STIM1: variants seen among roughly 807,000 people sequenced by gnomAD.
The protein encoded by STIM1 is stromal interaction molecule 1.
Under a neutral mutation model 74.7 loss-of-function variants are expected in STIM1, and 25 were observed. The ratio of observed to expected loss-of-function variants is 0.33; its 90% confidence interval spans 0.24 to 0.47. The LOEUF (loss-of-function observed/expected upper bound fraction) is 0.47. Ranked by LOEUF, STIM1 falls within the 20% of genes least tolerant of loss-of-function variation. The pLI, the probability that STIM1 is intolerant of heterozygous loss-of-function variation, is 1.00. For missense variants in STIM1, 728 were observed against 920.8 expected, an observed-to-expected ratio of 0.79 and a Z score of 2.71; for synonymous variants, 328 against 348.8, an observed-to-expected ratio of 0.94 and a Z score of 0.66.
At chr11:3,953,749 G>A (rs1482849806) in intron 1 of STIM1, among the ~76,000 whole-genome samples, 1 of 149,268 alleles carries the variant, frequency 6.7e-6, no homozygotes, top group African/African-American at 2.4e-5. Flanking sequence ...AGGAGTTTTT[G>A]CAAGATCGGT....
At chr11:4,020,971 A>G (rs1283732450) in intron 2 of STIM1, among the ~76,000 whole-genome samples, 6 of 151,730 alleles carry the variant, frequency 4.0e-5, no homozygotes, top group East Asian at 3.9e-4. Context: ...TTTTTTTTCT[A>G]TTGAGTTGTT....
Position 4,086,669 on chromosome 11 carries a change from C to A in STIM1, c.1634+126C>A, listed in dbSNP as rs576833622. ...GGGACCAGCTCTCCATCTGCCTCTG[C>A]TGCTGCTTCTTGCTCCTCTTCCATC... On this transcript the variant is annotated intron_variant, in intron 12 of 12. Transcript: ENST00000526596. 16 of 1,546,736 alleles carry A rather than the reference C, an allele frequency of 1.0e-5. No homozygotes were observed. In the African/African-American group the frequency reaches 1.4e-4, roughly 13 times the overall value.
At chr11:4,052,392 C>A (rs1268823255) in intron 3 of STIM1, among the ~76,000 whole-genome samples, 3 of 152,232 alleles carry the variant, frequency 2.0e-5, no homozygotes, top group Non-Finnish European at 4.4e-5. Flanking sequence ...AAACAGAGAT[C>A]TAGACCAATG....
intron 2 of STIM1, among the ~76,000 whole-genome samples, chr11:4,015,521 C>G (rs2093887615): frequency 6.6e-6 from 1 of 152,104 alleles, no homozygotes; most frequent in Admixed American, 6.5e-5. Flanking sequence ...AATTATGTGT[C>G]TTGGGGTTGC....
At chr11:3,982,698 A>C (rs1333312891) in intron 2 of STIM1, among the ~76,000 whole-genome samples, 3 of 152,232 alleles carry the variant, frequency 2.0e-5, no homozygotes. Flanking sequence ...ATGTTCTAAA[A>C]TTAGATTGTG....
intron 3 of STIM1, 84 bp downstream of exon 3, chr11:4,024,071 T>C (rs1394022779): frequency 8.9e-7 from 1 of 1,129,252 alleles, no homozygotes; most frequent in Non-Finnish European, 1.3e-6. Flanking sequence ...GAAGAACATG[T>C]ATATAAAATG....
intron 2 of STIM1, among the ~76,000 whole-genome samples, chr11:3,974,476 G>C (rs1235091832): frequency 7.4e-6 from 1 of 135,664 alleles, no homozygotes; most frequent in South Asian, 2.3e-4. Flanking sequence ...AGGAGTTCAA[G>C]ACCAGCCTGG....
intron 2 of STIM1, among the ~76,000 whole-genome samples, chr11:3,983,576 G>A (rs1794533524): frequency 6.6e-6 from 1 of 152,098 alleles, no homozygotes; most frequent in African/African-American, 2.4e-5. Flanking sequence ...TCAATTTCTT[G>A]ACCCCTACTA....
At chr11:3,928,129 T>G (rs2092810852) in intron 1 of STIM1, among the ~76,000 whole-genome samples, 1 of 152,222 alleles carries the variant, frequency 6.6e-6, no homozygotes, top group African/African-American at 2.4e-5. Flanking sequence ...TCTGTTACTC[T>G]GCTTTTTCTC....
At chr11:3,915,522 C>T (rs922152497) in intron 1 of STIM1, among the ~76,000 whole-genome samples, 3 of 151,778 alleles carry the variant, frequency 2.0e-5, no homozygotes, top group Admixed American at 1.3e-4. Flanking sequence ...CTCAGACTCC[C>T]GAGTAGCTGG....
chr11:4,080,137 T>C (rs2094457601), intron 7 of STIM1, among the ~76,000 whole-genome samples: 1 of 151,944 alleles, frequency 6.6e-6, no homozygotes. Context: ...CCAAAGCTAC[T>C]CGGGAGGCTG....
At chr11:3,885,221 T>C (rs1324630923) in intron 1 of STIM1, among the ~76,000 whole-genome samples, 2 of 151,996 alleles carry the variant, frequency 1.3e-5, no homozygotes, top group African/African-American at 4.8e-5. Flanking sequence ...CTCTGTCATC[T>C]AGACTGGAGT....
intron 2 of STIM1, among the ~76,000 whole-genome samples, chr11:3,969,258 G>A (rs1342093445): frequency 6.6e-6 from 1 of 151,944 alleles, no homozygotes. Context: ...GCCAAGGCAG[G>A]AGGATAGCTT....
chr11:3,945,134 A>G (rs1438593751), intron 1 of STIM1, among the ~76,000 whole-genome samples: 1 of 152,222 alleles, frequency 6.6e-6, no homozygotes, highest in Non-Finnish European at 1.5e-5. Context: ...GCTCTTGAGC[A>G]AGTTACTTAT....
At chr11:3,862,925 T>G (rs758142216) in intron 1 of STIM1, among the ~76,000 whole-genome samples, 1 of 152,114 alleles carries the variant, frequency 6.6e-6, no homozygotes, top group Non-Finnish European at 1.5e-5. Context: ...AGAGTTTCGC[T>G]CTTGTCACCC....
intron 7 of STIM1, among the ~76,000 whole-genome samples, chr11:4,077,693 T>G (rs927156564): frequency 3.9e-5 from 6 of 152,186 alleles, no homozygotes; most frequent in African/African-American, 1.4e-4. Flanking sequence ...CACATGTCTC[T>G]TATGCTCAGT....
chr11:3,900,454 A>G (rs540854639), intron 1 of STIM1, among the ~76,000 whole-genome samples: 1 of 152,226 alleles, frequency 6.6e-6, no homozygotes, highest in East Asian at 1.9e-4. Flanking sequence ...TCCTGCACCC[A>G]CTGTCTGGCA....
chr11:4,018,457 T>G (rs1590652349), intron 2 of STIM1, among the ~76,000 whole-genome samples: 1 of 10,102 alleles, frequency 9.9e-5, no homozygotes, highest in South Asian at 4.1e-3. Context: ...AGACTCCGTC[T>G]CAAAAAAAAA....
intron 2 of STIM1, chr11:3,973,311 C>T (rs2093413796): frequency 1.7e-5 from 8 of 461,746 alleles, no homozygotes; most frequent in South Asian, 5.0e-5. Flanking sequence ...AGAACCATTT[C>T]GACCTCTTTG....
Sources: allele counts gnomAD v4.1 joint callset (sites outside exome capture counted in the v4.1 genomes callset), GRCh38; gene constraint gnomAD v4.1.1; transcripts MANE v1.5; gene names NCBI Gene and HGNC (gene_info 2026-07-23, HGNC 2026-07-21).